Variants in LURAP1L observed in about 807,000 individuals in gnomAD.
The protein encoded by LURAP1L is leucine rich adaptor protein 1 like, also known as leucine rich adaptor protein 1-like.
In LURAP1L, 12 loss-of-function variants were observed where a neutral mutation model predicts 13.8. The ratio of observed to expected loss-of-function variants is 0.87; its 90% CI spans 0.56 to 1.41. LURAP1L has a LOEUF of 1.41. Ranked by LOEUF, LURAP1L falls within the 40% of genes most tolerant of loss-of-function variation. The pLI, the probability that LURAP1L is intolerant of heterozygous loss-of-function variation, is 0.00. For missense variants in LURAP1L, 375 were observed against 292.9 expected (o/e 1.28, Z -2.04); for synonymous variants, 139 against 119.2 (o/e 1.17, Z -1.08).
chr9:12,776,902 G>A (rs1369732879), intron 1 of LURAP1L, among the ~76,000 whole-genome samples: 1 of 151,842 alleles, frequency 6.6e-6, no homozygotes, highest in African/African-American at 2.4e-5. Context: ...CTTCACTTCT[G>A]TAGACCTCTG....
chr9:12,779,122 T>C (rs1388664484), intron 1 of LURAP1L, among the ~76,000 whole-genome samples: 1 of 152,170 alleles, frequency 6.6e-6, no homozygotes, highest in Non-Finnish European at 1.5e-5. Flanking sequence ...ATTTTCAGAC[T>C]GCAGTTGACT....
intron 1 of LURAP1L, chr9:12,777,165 T>C (rs996977206): frequency 1.2e-6 from 1 of 800,926 alleles, no homozygotes; most frequent in Admixed American, 6.3e-5. Flanking sequence ...TTAGTTATTA[T>C]AGAGTTCTAT....
At position 12,796,634 on chromosome 9, in the gene LURAP1L, C is replaced by T. The variant is rs140600669; in HGVS notation, c.312+20607C>T. On this transcript the variant is annotated intron_variant, in intron 1 of 1. Coordinates refer to ENST00000319264, the MANE Select transcript of LURAP1L (RefSeq NM_203403.2). The stretch of plus-strand genomic sequence containing the variant: ...GGAGGAATATACCTCATTCCTTTTA[C>T]GATAAAATTTTGCAATTCTTGATTT... Among the ~76,000 whole-genome samples, 203 of 152,042 alleles carry T rather than the reference C, an allele frequency of 1.3e-3. 1 individual carries two copies. Among genetic ancestry groups the T allele is most frequent in the African/African-American group, 4.5e-3 (188 of 41,518 alleles).
intron 1 of LURAP1L, among the ~76,000 whole-genome samples, chr9:12,805,845 C>A (rs932095979): frequency 6.6e-6 from 1 of 152,084 alleles, no homozygotes; most frequent in African/African-American, 2.4e-5. Flanking sequence ...TTAAGCCCAA[C>A]CTTGTGATCC....
intron 1 of LURAP1L, among the ~76,000 whole-genome samples, chr9:12,810,153 G>A (rs770493211): frequency 9.2e-5 from 14 of 152,156 alleles, no homozygotes; most frequent in Non-Finnish European, 1.8e-4. Flanking sequence ...TCCTCTCCCT[G>A]CCAGAAGCAC....
At position 12,793,285 on chromosome 9, in the gene LURAP1L, G is replaced by A. The variant is rs113025447; in HGVS notation, c.312+17258G>A. Among the ~76,000 whole-genome samples the A allele has an allele frequency of 2.0e-5, 3 of 152,064 alleles. No individual in the cohort carries two copies. In the South Asian group the frequency reaches 6.2e-4, roughly 32 times the overall value. On this transcript the variant is annotated intron_variant, in intron 1 of 1. Coordinates refer to ENST00000319264, the MANE Select transcript of LURAP1L (RefSeq NM_203403.2). ...TTATACCACAGAGAAATGAAATCTA[G>A]ATTTTCTATACCAATATGTTTAATA...
At chr9:12,786,924 C>G (rs138229323) in intron 1 of LURAP1L, among the ~76,000 whole-genome samples, 2 of 152,114 alleles carry the variant, frequency 1.3e-5, no homozygotes, top group East Asian at 1.9e-4. Context: ...TTGGACCCAT[C>G]ATTTCATTTG....
At chr9:12,796,229 G>A (rs535874769) in intron 1 of LURAP1L, among the ~76,000 whole-genome samples, 12 of 151,718 alleles carry the variant, frequency 7.9e-5, no homozygotes, top group East Asian at 5.8e-4. Flanking sequence ...CTGTTGAAAC[G>A]TAATGTACAC....
At chr9:12,813,969 A>T (rs1000896635) in intron 1 of LURAP1L, among the ~76,000 whole-genome samples, 15 of 152,300 alleles carry the variant, frequency 9.8e-5, no homozygotes, top group Admixed American at 9.1e-4. Context: ...CATTCTCTGA[A>T]ATCAGTTGGT....
intron 1 of LURAP1L, among the ~76,000 whole-genome samples, chr9:12,818,401 C>T (rs549449797): frequency 1.5e-4 from 23 of 152,260 alleles, no homozygotes; most frequent in Middle Eastern, 3.4e-3. Flanking sequence ...AAAATTATGG[C>T]TATTTCCAAA....
intron 1 of LURAP1L, chr9:12,814,182 T>TA (rs1488756861): frequency 6.6e-6 from 1 of 152,178 alleles, no homozygotes; most frequent in Non-Finnish European, 1.5e-5. Flanking sequence ...CCTTACAATG[T>TA]AACTGTGGCC....
intron 1 of LURAP1L, among the ~76,000 whole-genome samples, chr9:12,809,582 C>T (rs976869540): frequency 6.6e-6 from 1 of 152,120 alleles, no homozygotes; most frequent in African/African-American, 2.4e-5. Context: ...TTTTAAATTC[C>T]TTGTCTGATA....
At chr9:12,786,581 T>TATATATATATATATATATATATATAAAC (rs61134838) in intron 1 of LURAP1L, among the ~76,000 whole-genome samples, 17 of 121,430 alleles carry the variant, frequency 1.4e-4, no homozygotes, top group East Asian at 5.6e-4. Context: ...TATATATATA[T>TATATATATATATATATATATATATAAAC]AAACCCTTGT....
At chr9:12,802,314 G>T (rs1021769527) in intron 1 of LURAP1L, among the ~76,000 whole-genome samples, 6 of 152,120 alleles carry the variant, frequency 3.9e-5, no homozygotes, top group African/African-American at 1.4e-4. Context: ...GGTGGAGGTT[G>T]GGCCTGGTGG....
chr9:12,793,033 G>A (rs1010158168), intron 1 of LURAP1L, among the ~76,000 whole-genome samples: 2 of 151,970 alleles, frequency 1.3e-5, no homozygotes, highest in East Asian at 3.9e-4. Flanking sequence ...AAACGAACTA[G>A]AACATAAGAA....
chr9:12,809,821 T>C (rs1276139169), intron 1 of LURAP1L, among the ~76,000 whole-genome samples: 1 of 152,222 alleles, frequency 6.6e-6, no homozygotes. Flanking sequence ...TAAAATTTCC[T>C]CTAGTATCCT....
At chr9:12,801,782 G>A (rs1819589335) in intron 1 of LURAP1L, among the ~76,000 whole-genome samples, 1 of 152,122 alleles carries the variant, frequency 6.6e-6, no homozygotes, top group African/African-American at 2.4e-5. Flanking sequence ...AACACAAGAG[G>A]AAGAACATAT....
At chr9:12,807,516 C>G (rs1305502162) in intron 1 of LURAP1L, among the ~76,000 whole-genome samples, 1 of 152,098 alleles carries the variant, frequency 6.6e-6, no homozygotes, top group African/African-American at 2.4e-5. Context: ...ATGCCTTAGT[C>G]CTCTGAGTCT....
rs563046205 is a variant in LURAP1L, at chr9:12,820,729, C to T, written c.313-657C>T. 6.6e-5 allele frequency among the ~76,000 whole-genome samples: 10 copies of T among 152,218 alleles called. No individual in the cohort carries two copies. The East Asian group carries it at 1.9e-3, about 29-fold the overall frequency. On this transcript the variant is annotated intron_variant, in intron 1 of 1. Transcript: ENST00000319264. The stretch of plus-strand genomic sequence containing the variant: ...CAGGGAATATTAGAGCAATTTGGTT[C>T]TTAAAAGCAAAAGCATTATTCAGCA...
Sources: gnomAD v4.1 joint callset for allele counts (sites outside exome capture counted in the v4.1 genomes callset) on GRCh38, gnomAD v4.1.1 for gene constraint, MANE v1.5 for transcripts, NCBI Gene and HGNC (gene_info 2026-07-23, HGNC 2026-07-21) for gene names.